Variants in DNAH17 observed in about 807,000 individuals in gnomAD.
DNAH17 encodes the protein axonemal beta dynein heavy chain 17.
DNAH17 carries 376 observed loss-of-function variants against 485.6 expected under a neutral mutation model. The observed-to-expected ratio is 0.77, with a 90% CI of 0.71 to 0.84. The LOEUF (loss-of-function observed/expected upper bound fraction) is 0.84, where lower values mean the gene tolerates loss of function less well. Ranked by LOEUF, DNAH17 falls within the 40% of genes least tolerant of loss-of-function variation. DNAH17 has a pLI of 0.00. For missense variants in DNAH17, 6,370 were observed against 5,839.3 expected (o/e 1.09, Z -2.96); for synonymous variants, 3,031 against 2,405.9 (o/e 1.26, Z -7.60).
chr17:78,424,220 G>A (rs1598425285), intron 80 of DNAH17, 67 bp from the exon 81 acceptor site: 1 of 1,540,184 alleles, frequency 6.5e-7, no homozygotes. Context: ...TGGCAGGAAG[G>A]GTGGGGTCCT....
intron 27 of DNAH17, among the ~76,000 whole-genome samples, 159 bp from the exon 28 acceptor site, chr17:78,507,964 C>G (rs543285001): frequency 2.0e-5 from 3 of 152,168 alleles, no homozygotes; most frequent in African/African-American, 4.8e-5. Flanking sequence ...CCAACCCGAA[C>G]CTTCATCCCC....
intron 22 of DNAH17, among the ~76,000 whole-genome samples, chr17:78,528,870 C>G (rs959285246): frequency 1.3e-5 from 2 of 151,988 alleles, no homozygotes; most frequent in Non-Finnish European, 1.5e-5. Flanking sequence ...CTTGTTCTCT[C>G]TCCACCATCC....
At chr17:78,558,808 C>G (rs1476778430) in intron 13 of DNAH17, among the ~76,000 whole-genome samples, 1 of 152,216 alleles carries the variant, frequency 6.6e-6, no homozygotes, top group African/African-American at 2.4e-5. Context: ...AGATCAACAA[C>G]AGGGACATCC....
chr17:78,559,418 T>TGG (rs1298453128), intron 13 of DNAH17, among the ~76,000 whole-genome samples: 1 of 152,162 alleles, frequency 6.6e-6, no homozygotes, highest in African/African-American at 2.4e-5. Context: ...CCTAAAACAT[T>TGG]GGGACTGACT....
intron 17 of DNAH17, among the ~76,000 whole-genome samples, chr17:78,542,557 C>A (rs939314001): frequency 4.6e-5 from 7 of 152,176 alleles, no homozygotes; most frequent in African/African-American, 1.7e-4. Flanking sequence ...AAATTACTAC[C>A]AAGTGAGGAG....
At chr17:78,509,489 T>C (rs1186534475) in intron 27 of DNAH17, among the ~76,000 whole-genome samples, 1 of 152,184 alleles carries the variant, frequency 6.6e-6, no homozygotes, top group African/African-American at 2.4e-5. Context: ...AGGCGAACTG[T>C]ATGGTATGTG....
At position 78,445,631 on chromosome 17, in the gene DNAH17, A is replaced by C. The variant is rs1190715776; in HGVS notation, c.11261T>G (p.Leu3754Arg). Residue 3754 changes from leucine (L) to arginine (R), a missense_variant, in exon 70 of 81, where the codon CTG becomes CGG. Coordinates refer to ENST00000389840, the MANE Select transcript of DNAH17 (RefSeq NM_173628.4). ...CACTCCGGCCTTAAAAGGGAACCGC[A>C]GGAGGAAATCCAGCTCCACTGGGTT... ...ELNPVELDFL[L>R]RFPFKAGVVS... 2 of 1,571,680 alleles carry C rather than the reference A, an allele frequency of 1.3e-6. No individual in the cohort carries two copies. Among genetic ancestry groups the C allele is most frequent in the South Asian group, 2.3e-5 (2 of 85,316 alleles).
intron 20 of DNAH17, among the ~76,000 whole-genome samples, chr17:78,531,650 G>A (rs1205376077): frequency 6.6e-6 from 1 of 152,138 alleles, no homozygotes; most frequent in Non-Finnish European, 1.5e-5. Flanking sequence ...CATAAAGTCT[G>A]TCTTATCTGA....
intron 79 of DNAH17, 155 bp from the exon 80 acceptor site, chr17:78,425,726 C>T: frequency 5.5e-6 from 3 of 547,842 alleles, no homozygotes; most frequent in South Asian, 3.1e-5. Flanking sequence ...TGGAGCCCAG[C>T]CACCTACCAT....
Position 78,495,009 on chromosome 17 carries a change from T to C in DNAH17, c.5992A>G (p.Arg1998Gly). ...AAGGTGTACAGGGTGATGAACTTCC[T>C]GGCCAGAAGGCGGGCTTCCAGAAAG... ...EGFLEARLLA[R>G]KFITLYTLCK... Residue 1998 changes from arginine to glycine, a missense_variant, in exon 39 of 81, where the codon AGG becomes GGG. Coordinates refer to ENST00000389840, the MANE Select transcript of DNAH17 (RefSeq NM_173628.4). 6.2e-7 allele frequency: 1 copy of C among 1,613,110 alleles called. No homozygotes were observed.
chr17:78,460,805 T>C (rs2088081573), intron 58 of DNAH17, among the ~76,000 whole-genome samples: 1 of 152,198 alleles, frequency 6.6e-6, no homozygotes, highest in South Asian at 2.1e-4. Flanking sequence ...TCATAATCCA[T>C]CCAAAATGGA....
In DNAH17 at chr17:78,532,652, C is replaced by A; in HGVS notation, c.2944G>T (p.Glu982Ter). The A allele has an allele frequency of 6.3e-7, 1 of 1,596,288 alleles. No individual in the cohort carries two copies. The highest frequency in any genetic ancestry group is 8.5e-7 in the Non-Finnish European group (1 of 1,170,672). ...LVINAMKEAE[E>*]YQDSFERYSY... is the part of the protein sequence containing the mutation. ...TACCTCTCAAAGGAATCCTGGTACT[C>A]CTCGGCCTCCTTCATGGCATTGATG... Residue 982 changes from glutamate (E) to a stop codon, truncating the protein, a stop_gained, in exon 20 of 81, where the codon GAG (glutamate) becomes TAG (stop). Coordinates refer to ENST00000389840, the MANE Select transcript of DNAH17 (RefSeq NM_173628.4). LOFTEE classifies it high-confidence loss of function.
chr17:78,458,786 T>C lies in DNAH17; in HGVS notation c.9862-106A>G, dbSNP rs2087936029. On this transcript the variant is annotated intron_variant, in intron 61 of 80. Coordinates refer to ENST00000389840, the MANE Select transcript of DNAH17 (RefSeq NM_173628.4). Reference sequence around the variant, plus strand: ...TGTGAGCGCTGAGCGTGGAAGAGGCTCCCACAAAGGCTGAGAGCCCTCTGG... The same window carrying C: ...TGTGAGCGCTGAGCGTGGAAGAGGCCCCCACAAAGGCTGAGAGCCCTCTGG... 12 of 1,173,250 alleles carry C rather than the reference T, an allele frequency of 1.0e-5. No individual in the cohort carries two copies. The South Asian group carries it at 1.3e-4, about 12-fold the overall frequency. 72.7% of individuals were successfully genotyped at this position (1,173,250 alleles called of 1,614,324 possible).
rs1108366 is a variant in DNAH17 at position 78,561,861 on chromosome 17, G to A, written c.1689C>T (p.Tyr563=). Residue 563 remains tyrosine, a synonymous_variant, in exon 12 of 81, where the codon TAC becomes TAT. Transcript: ENST00000389840. ...DAELDNAKIL[Y]DAQMAASEEG... The stretch of plus-strand genomic sequence containing the variant: ...CCTCGGAGGCCGCCATCTGGGCATC[G>A]TACAAGATCTTAGCATTGTCTAGCT... 262,549 of 1,613,754 alleles carry A rather than the reference G, an allele frequency of 0.16. 22,991 individuals are homozygous for A. Among genetic ancestry groups the A allele is most frequent in the East Asian group, 0.29 (12,784 of 44,848 alleles).
chr17:78,570,301 T>C lies in DNAH17; in HGVS notation c.990A>G (p.Thr330=). 1 of 1,600,758 alleles carries C rather than the reference T, an allele frequency of 6.2e-7. No individual in the cohort carries two copies. Among genetic ancestry groups the C allele is most frequent in the Non-Finnish European group, 8.5e-7 (1 of 1,174,248 alleles). The change falls in exon 7 of 81, where the codon ACA becomes ACG. Residue 330 remains threonine (T), a synonymous_variant. Transcript: ENST00000389840. ...FIWATSEYYN[T]PARIIVILQE... ...GCAGGATGACGATGATCCTGGCAGG[T>C]GTGTTATAGTACTCAGAGGTGGCCC...
chr17:78,460,419 T>C (rs1419149901), intron 58 of DNAH17, among the ~76,000 whole-genome samples, 162 bp from the exon 59 acceptor site: 1 of 152,220 alleles, frequency 6.6e-6, no homozygotes, highest in African/African-American at 2.4e-5. Context: ...TGTGCATGTA[T>C]GTGTATGTGC....
At chr17:78,426,759 G>C in intron 78 of DNAH17, 159 bp from the exon 79 acceptor site, 2 of 1,278,948 alleles carry the variant, frequency 1.6e-6, no homozygotes, top group Non-Finnish European at 2.2e-6. Flanking sequence ...GCTAAGGAAC[G>C]GTCTAGATGA....
intron 3 of DNAH17, 102 bp from the exon 4 acceptor site, chr17:78,571,884 G>T: frequency 8.6e-7 from 1 of 1,160,868 alleles, no homozygotes. Flanking sequence ...CAAACCACCA[G>T]CAGCAGCACC....
chr17:78,563,081 T>C (rs894967), intron 11 of DNAH17, among the ~76,000 whole-genome samples: 146,169 of 152,308 alleles, frequency 0.96, 70,199 homozygotes, highest in African/African-American at 0.98. Context: ...AAAACATGAC[T>C]GCGAAGAGAG....
Sources: gnomAD v4.1 joint callset for allele counts (sites outside exome capture counted in the v4.1 genomes callset) on GRCh38, gnomAD v4.1.1 for gene constraint, MANE v1.5 for transcripts, NCBI Gene and HGNC (gene_info 2026-07-23, HGNC 2026-07-21) for gene names.